The following L3MBTL4 variants were observed in gnomAD, a reference collection of about 807,000 sequenced individuals.
The protein encoded by L3MBTL4 is L3MBTL histone methyl-lysine binding protein 4.
Under a neutral mutation model 84.5 loss-of-function variants are expected in L3MBTL4, and 70 were observed. The ratio of observed to expected loss-of-function variants is 0.83; its 90% CI spans 0.68 to 1.01. L3MBTL4 has a LOEUF of 1.01. L3MBTL4 is among the 50% of genes least tolerant of loss of function. The pLI is 0.00. For missense variants in L3MBTL4, 715 were observed against 754.8 expected, an observed-to-expected ratio of 0.95 and a Z score of 0.62; for synonymous variants, 274 against 259.8, an observed-to-expected ratio of 1.05 and a Z score of -0.52.
intron 16 of L3MBTL4, among the ~76,000 whole-genome samples, chr18:5,980,753 C>A (rs1041334723): frequency 6.6e-6 from 1 of 152,102 alleles, no homozygotes; most frequent in African/African-American, 2.4e-5. Flanking sequence ...TTTCACATTT[C>A]ACTTTTGGGC....
intron 14 of L3MBTL4, among the ~76,000 whole-genome samples, chr18:6,105,608 G>C (rs1358783451): frequency 6.6e-6 from 1 of 151,004 alleles, no homozygotes; most frequent in African/African-American, 2.4e-5. Context: ...AGAACAGCCT[G>C]GCCAACATGA....
intron 16 of L3MBTL4, among the ~76,000 whole-genome samples, chr18:6,018,059 T>C (rs1409477458): frequency 6.6e-6 from 1 of 152,158 alleles, no homozygotes; most frequent in Non-Finnish European, 1.5e-5. Flanking sequence ...GTTTTTCTTA[T>C]GCATAGTAAG....
chr18:5,978,644 T>C (rs1216815235), intron 16 of L3MBTL4, among the ~76,000 whole-genome samples: 1 of 152,114 alleles, frequency 6.6e-6, no homozygotes, highest in Non-Finnish European at 1.5e-5. Flanking sequence ...TCCTGCTGGG[T>C]TGGGCATGCA....
chr18:6,165,053 A>G (rs2043573026), intron 13 of L3MBTL4, among the ~76,000 whole-genome samples: 1 of 152,238 alleles, frequency 6.6e-6, no homozygotes, highest in Admixed American at 6.5e-5. Flanking sequence ...TCAGTAGCTG[A>G]TGCGATCAAC....
chr18:6,357,753 C>G (rs897552409), intron 1 of L3MBTL4, among the ~76,000 whole-genome samples: 1 of 152,194 alleles, frequency 6.6e-6, no homozygotes, highest in Non-Finnish European at 1.5e-5. Flanking sequence ...TTTCTGGTCA[C>G]TTCATGGATA....
At chr18:6,032,138 TG>T in intron 16 of L3MBTL4, 1 of 269,624 alleles carries the variant, frequency 3.7e-6, no homozygotes, top group Non-Finnish European at 6.6e-6. Context: ...CCACCACGCC[TG>T]GCTAATTTTT....
At chr18:6,338,050 AT>A (rs1197855382) in intron 1 of L3MBTL4, among the ~76,000 whole-genome samples, 2 of 152,104 alleles carry the variant, frequency 1.3e-5, no homozygotes, top group African/African-American at 4.8e-5. Context: ...CTCACCAAGA[AT>A]TTTATAACAA....
rs118080346 is a variant in L3MBTL4 at position 6,130,814 on chromosome 18, A to G, written c.1199+7380T>C. On this transcript the variant is annotated intron_variant, in intron 14 of 18. Coordinates refer to ENST00000317931, the MANE Select transcript of L3MBTL4 (RefSeq NM_001330559.2). Reference sequence around the variant, plus strand: ...ATACACCTACTTCACTTTATTCTCTATGTAAATTCATGCAAATAAAATGTA... The same window carrying G: ...ATACACCTACTTCACTTTATTCTCTGTGTAAATTCATGCAAATAAAATGTA... Among the ~76,000 whole-genome samples, 236 of 152,276 alleles carry G rather than the reference A, an allele frequency of 1.5e-3. 5 individuals carry two copies. In the East Asian group the frequency reaches 0.041, roughly 26 times the overall value.
At chr18:6,261,850 C>T (rs9949011) in intron 5 of L3MBTL4, among the ~76,000 whole-genome samples, 2,374 of 152,286 alleles carry the variant, frequency 0.016, 48 homozygotes, top group African/African-American at 0.054. Flanking sequence ...TGGGGCAACA[C>T]AGGAGCTGGA....
At chr18:6,011,390 C>T (rs905697118) in intron 16 of L3MBTL4, among the ~76,000 whole-genome samples, 1 of 152,108 alleles carries the variant, frequency 6.6e-6, no homozygotes, top group Non-Finnish European at 1.5e-5. Flanking sequence ...GCTGGTGAGG[C>T]CAAAGTTTCT....
At chr18:6,019,557 A>G (rs1203950047) in intron 16 of L3MBTL4, among the ~76,000 whole-genome samples, 1 of 152,258 alleles carries the variant, frequency 6.6e-6, no homozygotes, top group African/African-American at 2.4e-5. Flanking sequence ...ATGATAAAAT[A>G]GCTACTATCT....
chr18:6,019,483 T>C (rs1294762280), intron 16 of L3MBTL4, among the ~76,000 whole-genome samples: 3 of 152,350 alleles, frequency 2.0e-5, no homozygotes, highest in South Asian at 2.1e-4. Flanking sequence ...TATTCTTTTT[T>C]CTTCGTTCGT....
At chr18:6,241,319 G>A in intron 8 of L3MBTL4, 39 bp downstream of exon 8, 1 of 1,136,742 alleles carries the variant, frequency 8.8e-7, no homozygotes, top group Non-Finnish European at 1.3e-6. Flanking sequence ...ATTTAAGCTT[G>A]GGGGAAATTT....
intron 16 of L3MBTL4, chr18:6,030,569 T>C: frequency 1.3e-6 from 1 of 778,832 alleles, no homozygotes; most frequent in Non-Finnish European, 1.6e-6. Context: ...TGGCACGATC[T>C]CAGCTCACTG....
intron 14 of L3MBTL4, among the ~76,000 whole-genome samples, chr18:6,121,722 G>GTGTA (rs3044169): frequency 0.059 from 8,406 of 143,308 alleles, 197 homozygotes; most frequent in Middle Eastern, 0.11. Flanking sequence ...GTGTGTGTAT[G>GTGTA]TGTGTGTGCA....
At chr18:6,200,324 C>T (rs989369870) in intron 12 of L3MBTL4, among the ~76,000 whole-genome samples, 2 of 152,178 alleles carry the variant, frequency 1.3e-5, no homozygotes, top group Non-Finnish European at 2.9e-5. Context: ...TGTGGGCACA[C>T]GCTGTAGGAG....
rs187915536 is a variant in L3MBTL4, at chr18:6,261,679, G to A, written c.219+2268C>T. ...TTTATTTCAGGAACAGAAATCCCACGTGTGTTCTTTTGGTCTTTTTTTAGT... is the reference window on the plus strand; with the variant it reads ...TTTATTTCAGGAACAGAAATCCCACATGTGTTCTTTTGGTCTTTTTTTAGT... On this transcript the variant is annotated intron_variant, in intron 5 of 18. Coordinates refer to ENST00000317931, the MANE Select transcript of L3MBTL4 (RefSeq NM_001330559.2). Among the ~76,000 whole-genome samples the A allele has an allele frequency of 9.2e-5, 14 of 152,300 alleles. No homozygotes were observed. In the East Asian group the frequency reaches 1.9e-3, roughly 21 times the overall value.
intron 17 of L3MBTL4, among the ~76,000 whole-genome samples, chr18:5,963,493 C>T (rs1292727327): frequency 6.6e-6 from 1 of 152,216 alleles, no homozygotes; most frequent in East Asian, 1.9e-4. Flanking sequence ...GCCACCTCCA[C>T]CTCATCCTCC....
At chr18:5,961,558 C>T (rs1400602234) in intron 17 of L3MBTL4, among the ~76,000 whole-genome samples, 1 of 152,122 alleles carries the variant, frequency 6.6e-6, no homozygotes, top group East Asian at 1.9e-4. Flanking sequence ...CAATCTTCAC[C>T]TAAAGTTTGG....
Sources: gnomAD v4.1 joint callset for allele counts (sites outside exome capture counted in the v4.1 genomes callset) on GRCh38, gnomAD v4.1.1 for gene constraint, MANE v1.5 for transcripts, NCBI Gene and HGNC (gene_info 2026-07-23, HGNC 2026-07-21) for gene names.